The following SCRG1 variants were observed in gnomAD, a reference collection of about 807,000 sequenced individuals.
SCRG1 encodes the protein stimulator of chondrogenesis 1, also known as scrapie-responsive protein 1.
In SCRG1, 3 loss-of-function variants were observed where a neutral mutation model predicts 7.7. That is an observed-to-expected ratio of 0.39 (90% CI 0.18 to 1.01). SCRG1 has a LOEUF of 1.01. Among genes scored for constraint, SCRG1 ranks in the 50% least tolerant of loss-of-function variants. The pLI, the probability that SCRG1 is intolerant of heterozygous loss-of-function variation, is 0.36. For missense variants in SCRG1, 110 were observed against 117.2 expected, an observed-to-expected ratio of 0.94 and a Z score of 0.28; for synonymous variants, 46 against 41.2, an observed-to-expected ratio of 1.12 and a Z score of -0.44.
the SCRG1 span, among the ~76,000 whole-genome samples, chr4:173,492,320 G>C: frequency 1.3e-5 from 2 of 152,100 alleles, no homozygotes; most frequent in Non-Finnish European, 2.9e-5. Flanking sequence ...GGCAGCATGA[G>C]AGCCATCCAG....
chr4:173,490,788 A>G, the SCRG1 span, among the ~76,000 whole-genome samples: 1 of 152,198 alleles, frequency 6.6e-6, no homozygotes, highest in Non-Finnish European at 1.5e-5. Flanking sequence ...ATACAGTTCT[A>G]CTGTAACTAA....
the SCRG1 span, among the ~76,000 whole-genome samples, chr4:173,421,273 A>G: frequency 6.6e-6 from 1 of 152,334 alleles, no homozygotes; most frequent in East Asian, 1.9e-4. Flanking sequence ...CTACTCTTCC[A>G]TGTTATCTCA....
the SCRG1 span, among the ~76,000 whole-genome samples, chr4:173,477,728 T>G: frequency 9.5e-6 from 1 of 105,626 alleles, no homozygotes; most frequent in Non-Finnish European, 2.3e-5. Flanking sequence ...CCTTCCTTCC[T>G]TCCTTCCTTC....
the SCRG1 span, among the ~76,000 whole-genome samples, chr4:173,431,946 A>G: frequency 6.6e-6 from 1 of 152,216 alleles, no homozygotes; most frequent in Non-Finnish European, 1.5e-5. Context: ...AAGGAATGGA[A>G]TAGTCAATTA....
chr4:173,403,009 A>T (rs1162239689), upstream of SCRG1: 1 of 152,220 alleles, frequency 6.6e-6, no homozygotes, highest in South Asian at 2.1e-4. Context: ...TCAGTAAAAG[A>T]GTTTCCTCTT....
the SCRG1 span, among the ~76,000 whole-genome samples, chr4:173,478,949 A>C: frequency 3.3e-5 from 5 of 152,170 alleles, no homozygotes; most frequent in Admixed American, 6.6e-5. Flanking sequence ...AAAAGGAAAG[A>C]GGTCACTTCA....
chr4:173,449,609 A>G, the SCRG1 span, among the ~76,000 whole-genome samples: 1 of 152,094 alleles, frequency 6.6e-6, no homozygotes, highest in African/African-American at 2.4e-5. Flanking sequence ...CTCCTGAACT[A>G]TTATGAAGAT....
At chr4:173,489,033 T>C in the SCRG1 span, among the ~76,000 whole-genome samples, 4 of 152,162 alleles carry the variant, frequency 2.6e-5, no homozygotes, top group African/African-American at 9.7e-5. Context: ...TCAGACTGAG[T>C]GTTATTTTAA....
intron 1 of SCRG1, chr4:173,406,256 A>G (rs1256396324): frequency 6.6e-6 from 1 of 152,234 alleles, no homozygotes; most frequent in African/African-American, 2.4e-5. Flanking sequence ...TTGTTGGCAC[A>G]TACCTCATGG....
At chr4:173,416,915 C>A in the SCRG1 span, among the ~76,000 whole-genome samples, 17 of 4,870 alleles carry the variant, frequency 3.5e-3, no homozygotes, top group Non-Finnish European at 9.5e-3. Flanking sequence ...CACCCAAACA[C>A]ACACACACAC....
upstream of SCRG1, among the ~76,000 whole-genome samples, chr4:173,402,193 T>G (rs933936127): frequency 1.1e-4 from 16 of 152,202 alleles, no homozygotes; most frequent in African/African-American, 3.9e-4. Flanking sequence ...CCAAATGTAA[T>G]GTACAGATTT....
chr4:173,419,504 A>C, the SCRG1 span: 34 of 757,686 alleles, frequency 4.5e-5, no homozygotes, highest in Middle Eastern at 3.9e-4. Flanking sequence ...ATCTTCTTCT[A>C]TTAAGTAGCG....
At chr4:173,499,819 T>A in the SCRG1 span, among the ~76,000 whole-genome samples, 1 of 152,080 alleles carries the variant, frequency 6.6e-6, no homozygotes, top group Non-Finnish European at 1.5e-5. This position sits in a 1 kb window ranked among gnomAD's most constrained non-coding sequence, Gnocchi z 4.1. Context: ...GGGGCAGGGA[T>A]CGAAAGAAAG....
At chr4:173,414,927 T>C in the SCRG1 span, among the ~76,000 whole-genome samples, 4 of 152,208 alleles carry the variant, frequency 2.6e-5, no homozygotes, top group Non-Finnish European at 5.9e-5. Flanking sequence ...TTCACTGGTA[T>C]TTTGGTAACC....
chr4:173,508,140 G>A, the SCRG1 span, among the ~76,000 whole-genome samples: 4 of 152,186 alleles, frequency 2.6e-5, no homozygotes, highest in Non-Finnish European at 5.9e-5. The surrounding 1 kb of genome is among the most constrained non-coding windows in gnomAD (Gnocchi z 4.4). Context: ...TGCTAAAGTT[G>A]ACACAAGACG....
In SCRG1 at chr4:173,388,398, GA is replaced by G. The variant is rs777111832; in HGVS notation, c.243-4del. On this transcript the variant is annotated splice_region_variant and splice_polypyrimidine_tract_variant and intron_variant, in intron 2 of 2. Coordinates refer to ENST00000296506, the MANE Select transcript of SCRG1 (RefSeq NM_007281.4). The stretch of plus-strand genomic sequence containing the variant: ...TCTTTGGTCCAAAGAAAACGTCTCT[GA>G]AAGAAAATAGAGCATCAATTAAATT... The G allele has an allele frequency of 1.2e-6, 2 of 1,605,976 alleles. No individual in the cohort carries two copies. Among genetic ancestry groups the G allele is most frequent in the Admixed American group, 3.4e-5 (2 of 59,592 alleles).
At chr4:173,416,280 C>A in the SCRG1 span, among the ~76,000 whole-genome samples, 7 of 152,258 alleles carry the variant, frequency 4.6e-5, no homozygotes, top group Non-Finnish European at 7.3e-5. Flanking sequence ...TTTCCATGCT[C>A]ACTCCCAACG....
the SCRG1 span, among the ~76,000 whole-genome samples, chr4:173,445,576 C>G: frequency 2.0e-4 from 15 of 74,864 alleles, no homozygotes; most frequent in Admixed American, 2.2e-3. Context: ...AGTAAGACTC[C>G]GTCTCGGAAA....
At chr4:173,476,354 G>GAA in the SCRG1 span, among the ~76,000 whole-genome samples, 2,631 of 70,150 alleles carry the variant, frequency 0.038, 202 homozygotes, top group Admixed American at 0.095. Context: ...CTCTGAGGGG[G>GAA]AAAAAAAAAA....
Sources: allele counts gnomAD v4.1 joint callset (sites outside exome capture counted in the v4.1 genomes callset), GRCh38; gene constraint gnomAD v4.1.1; non-coding constraint Gnocchi (gnomAD v3.1); transcripts MANE v1.5; gene names NCBI Gene and HGNC (gene_info 2026-07-23, HGNC 2026-07-21).